The following PYROXD2 variants were observed in gnomAD, a reference collection of about 807,000 sequenced individuals.
The protein encoded by PYROXD2 is pyridine nucleotide-disulphide oxidoreductase domain 2.
Under a neutral mutation model 71.1 loss-of-function variants are expected in PYROXD2, and 69 were observed. The observed-to-expected ratio is 0.97, with a 90% CI of 0.80 to 1.19. PYROXD2 has a LOEUF of 1.19. Ranked by LOEUF, PYROXD2 falls within the 50% of genes most tolerant of loss-of-function variation. PYROXD2 has a pLI of 0.00. For missense variants in PYROXD2, 745 were observed against 748.9 expected (o/e 0.99, Z 0.06); for synonymous variants, 287 against 302.7 (o/e 0.95, Z 0.54).
Position 98,387,250 on chromosome 10 carries a change from T to C in PYROXD2, c.1505A>G (p.Asp502Gly), listed in dbSNP as rs565590908. ...PGFKDSVVGR[D>G]ILTPPDLERI... ...CTCCAAATCTGGTGGTGTGAGGATGTCTCTGCCAACCACAGAGTCCTTGAA... is the reference window on the plus strand; with the variant it reads ...CTCCAAATCTGGTGGTGTGAGGATGCCTCTGCCAACCACAGAGTCCTTGAA... Residue 502 changes from aspartate (D) to glycine (G), a missense_variant, in exon 14 of 16, where the codon GAC becomes GGC. Asp to Gly is a moderately conservative substitution (Grantham distance 94). Transcript: ENST00000370575. 5.8e-5 allele frequency: 94 copies of C among 1,614,134 alleles called. No homozygotes were observed. The highest frequency in any genetic ancestry group is 3.2e-4 in the Admixed American group (19 of 60,016).
intron 1 of PYROXD2, among the ~76,000 whole-genome samples, chr10:98,413,535 G>A (rs1179081292): frequency 6.6e-6 from 1 of 152,032 alleles, no homozygotes; most frequent in Non-Finnish European, 1.5e-5. Context: ...CCAACATGGT[G>A]AAACCCCGTC....
intron 4 of PYROXD2, among the ~76,000 whole-genome samples, chr10:98,406,329 G>T (rs1480520089): frequency 6.6e-6 from 1 of 152,194 alleles, no homozygotes; most frequent in African/African-American, 2.4e-5. Flanking sequence ...AATCAGGTTT[G>T]CCAAAAGGAG....
chr10:98,407,301 T>C (rs1213771604), intron 4 of PYROXD2, among the ~76,000 whole-genome samples: 5 of 152,318 alleles, frequency 3.3e-5, no homozygotes, highest in Middle Eastern at 3.4e-3. Flanking sequence ...AGGCTTCAGA[T>C]AGGTGTCCCA....
chr10:98,399,423 A>G (rs1397227153), intron 5 of PYROXD2, among the ~76,000 whole-genome samples: 1 of 152,210 alleles, frequency 6.6e-6, no homozygotes, highest in African/African-American at 2.4e-5. Context: ...TAATCTTTCT[A>G]TATCCACAGA....
At chr10:98,393,220 GAGCTCA>G in intron 8 of PYROXD2, 137 bp from the exon 9 acceptor site, 1 of 672,960 alleles carries the variant, frequency 1.5e-6, no homozygotes. Flanking sequence ...AGCCTTCAAT[GAGCTCA>G]AGTTCTTGTA....
In PYROXD2 at chr10:98,393,024, T is replaced by G; in HGVS notation, c.845A>C (p.Tyr282Ser). The G allele has an allele frequency of 6.2e-7, 1 of 1,611,392 alleles. No individual in the cohort carries two copies. Among genetic ancestry groups the G allele is most frequent in the Non-Finnish European group, 8.5e-7 (1 of 1,177,970 alleles). The change falls in exon 9 of 16, where the codon TAC becomes TCC. Residue 282 changes from tyrosine (Y) to serine (S), a missense_variant. Physicochemically the swap from Tyr to Ser is moderately radical, Grantham distance 144. Transcript: ENST00000370575. ...GLEGMQGAWG[Y>S]VQGGMGALSD... ...GAGGGCACCCATGCCCCCCTGGACG[T>G]AGCCCCAGGCCCCCTGCATTCCCTC...
At chr10:98,399,854 T>C (rs569461932) in intron 5 of PYROXD2, among the ~76,000 whole-genome samples, 21 of 152,322 alleles carry the variant, frequency 1.4e-4, no homozygotes, top group Non-Finnish European at 2.9e-4. Flanking sequence ...CCTCTGACAG[T>C]GGCCCCATAC....
At chr10:98,389,552 C>T (rs1040206413) in intron 12 of PYROXD2, among the ~76,000 whole-genome samples, 15 of 152,202 alleles carry the variant, frequency 9.9e-5, no homozygotes, top group African/African-American at 3.4e-4. Context: ...CAGGTGCTCT[C>T]TCTCCAGCCA....
At chr10:98,392,299 CCT>C (rs1491525055) in intron 10 of PYROXD2, 131 bp downstream of exon 10, 96 of 1,445,904 alleles carry the variant, frequency 6.6e-5, no homozygotes, top group East Asian at 1.2e-4. Flanking sequence ...CCCTTACCCC[CCT>C]GTTTCCCAAA....
intron 4 of PYROXD2, among the ~76,000 whole-genome samples, chr10:98,402,869 C>T (rs1052026102): frequency 6.6e-6 from 1 of 152,246 alleles, no homozygotes; most frequent in Non-Finnish European, 1.5e-5. Flanking sequence ...TTGTTCACCG[C>T]TGTACCCTCC....
rs1843933768 is a variant in PYROXD2, at chr10:98,414,796, C to A, written c.127+213G>T. On this transcript the variant is annotated intron_variant, in intron 1 of 15. Coordinates refer to ENST00000370575, the MANE Select transcript of PYROXD2 (RefSeq NM_032709.3). ...AGAGAAGGCAAGCATTTGCCCCAGG[C>A]CACACAGCAGAGCCAGCACCGGAAT... 4.8e-6 allele frequency: 3 copies of A among 620,852 alleles called. No individual in the cohort carries two copies. The African/African-American group carries it at 5.6e-5, about 12-fold the overall frequency. The allele number at this position is 620,852 out of a possible 1,614,324, so 38.5% of individuals were successfully genotyped here.
chr10:98,390,891 G>A lies in PYROXD2; in HGVS notation c.1135+119C>T, dbSNP rs796723167. 4.4e-6 allele frequency: 6 copies of A among 1,354,486 alleles called. No homozygotes were observed. In the African/African-American group the frequency reaches 8.6e-5, roughly 19 times the overall value. 83.9% of individuals were successfully genotyped at this position (1,354,486 alleles called of 1,614,324 possible). ...TTCACCTTCTGACCAGGCTGCAGGG[G>A]GACACAGGCTGGAGGTCCGGGAATG... On this transcript the variant is annotated intron_variant, in intron 11 of 15. Transcript: ENST00000370575.
intron 6 of PYROXD2, among the ~76,000 whole-genome samples, chr10:98,396,471 A>ATT (rs111652430): frequency 0.054 from 8,245 of 151,934 alleles, 691 homozygotes; most frequent in African/African-American, 0.18. Flanking sequence ...GAAACAAATG[A>ATT]TTTTTTTTCT....
intron 2 of PYROXD2, 132 bp downstream of exon 2, chr10:98,410,807 A>C: frequency 7.4e-7 from 1 of 1,349,798 alleles, no homozygotes; most frequent in Non-Finnish European, 1.0e-6. Flanking sequence ...GAGAGCAGAG[A>C]GCATCGACTA....
In PYROXD2 at chr10:98,407,993, G is replaced by A. The variant is rs916306361; in HGVS notation, c.152C>T (p.Ala51Val). 24 of 1,602,218 alleles carry A rather than the reference G, an allele frequency of 1.5e-5. No individual in the cohort carries two copies. The highest frequency in any genetic ancestry group is 2.0e-5 in the Non-Finnish European group (24 of 1,174,534). The change falls in exon 3 of 16, where the codon GCG (alanine) becomes GTG (valine). Residue 51 changes from alanine to valine, a missense_variant. By Grantham distance (64) the Ala-to-Val change is moderately conservative. Coordinates refer to ENST00000370575, the MANE Select transcript of PYROXD2 (RefSeq NM_032709.3). ...GTTCACCCCCAGTCTCTGCAGGTAC[G>A]CTGCCTGGGAAGTGGGGCAGCACAC... ...GAGHNGLVAA[A>V]YLQRLGVNTA...
rs143940692 is a variant in PYROXD2, at chr10:98,397,427, G to A, written c.543C>T (p.Pro181=). Residue 181 remains proline (P), a synonymous_variant, in exon 6 of 16, where the codon CCC becomes CCT. Transcript: ENST00000370575. ...LAIDPLLDAA[P]VDMAAFQHGS... Reference sequence around the variant, plus strand: ...CATGCTGGAAGGCCGCCATGTCCACGGGGGCCGCATCCAGCAGAGGGTCAA... The same window carrying A: ...CATGCTGGAAGGCCGCCATGTCCACAGGGGCCGCATCCAGCAGAGGGTCAA... 122 of 1,613,120 alleles carry A rather than the reference G, an allele frequency of 7.6e-5. No homozygotes were observed. The highest frequency in any genetic ancestry group is 6.5e-4 in the East Asian group (29 of 44,832).
Position 98,407,974 on chromosome 10 carries a change from C to T in PYROXD2, c.171G>A (p.Gly57=). Residue 57 remains glycine (G), a synonymous_variant, in exon 3 of 16, where the codon GGG becomes GGA. Coordinates refer to ENST00000370575, the MANE Select transcript of PYROXD2 (RefSeq NM_032709.3). ...GCCTCTCGAAGACGGCGGTGTTCACCCCCAGTCTCTGCAGGTACGCTGCCT... is the reference window on the plus strand; with the variant it reads ...GCCTCTCGAAGACGGCGGTGTTCACTCCCAGTCTCTGCAGGTACGCTGCCT... ...LVAAAYLQRL[G]VNTAVFERRH... is the part of the protein sequence containing the mutation. The T allele has an allele frequency of 1.2e-6, 2 of 1,608,654 alleles. No homozygotes were observed. Among genetic ancestry groups the T allele is most frequent in the South Asian group, 2.2e-5 (2 of 89,626 alleles).
chr10:98,390,365 C>T (rs761584434), intron 12 of PYROXD2, among the ~76,000 whole-genome samples: 60 of 152,190 alleles, frequency 3.9e-4, no homozygotes, highest in Non-Finnish European at 6.2e-4. Flanking sequence ...CAGTGCTCTG[C>T]CCCTCTGCCC....
chr10:98,388,584 C>G (rs1015163969), intron 12 of PYROXD2, 76 bp from the exon 13 acceptor site: 47 of 1,404,328 alleles, frequency 3.3e-5, no homozygotes, highest in Non-Finnish European at 4.3e-5. Context: ...TGACTTGGGA[C>G]ACAGTGGAGG....
Sources: allele counts gnomAD v4.1 joint callset (sites outside exome capture counted in the v4.1 genomes callset), GRCh38; gene constraint gnomAD v4.1.1; transcripts MANE v1.5; gene names NCBI Gene and HGNC (gene_info 2026-07-23, HGNC 2026-07-21).